Variants in THRAP3 observed in about 807,000 individuals in gnomAD.
THRAP3 encodes the protein thyroid hormone receptor-associated protein 3.
Under a neutral mutation model 101.0 loss-of-function variants are expected in THRAP3, and 16 were observed. The observed-to-expected ratio is 0.16, with a 90% CI of 0.11 to 0.24. The LOEUF (loss-of-function observed/expected upper bound fraction) is 0.24, where lower values mean the gene tolerates loss of function less well. Ranked by LOEUF, THRAP3 falls within the 10% of genes least tolerant of loss-of-function variation. THRAP3 has a pLI of 1.00. For synonymous variants in THRAP3, 407 were observed against 422.6 expected, an observed-to-expected ratio of 0.96 and a Z score of 0.45; for missense variants, 989 against 1,202.7, an observed-to-expected ratio of 0.82 and a Z score of 2.63.
chr1:36,298,863 T>C (rs1176420143), intron 9 of THRAP3, among the ~76,000 whole-genome samples: 2 of 152,170 alleles, frequency 1.3e-5, no homozygotes, highest in African/African-American at 2.4e-5. Context: ...ATGCAATCAC[T>C]GGCCTACTGT....
chr1:36,269,509 G>A (rs980632930), intron 2 of THRAP3, among the ~76,000 whole-genome samples: 1 of 152,110 alleles, frequency 6.6e-6, no homozygotes, highest in African/African-American at 2.4e-5. Context: ...GTTGTACTTT[G>A]GAGTTTACTT....
intron 1 of THRAP3, among the ~76,000 whole-genome samples, chr1:36,231,172 A>G (rs916549813): frequency 1.7e-4 from 26 of 151,256 alleles, no homozygotes; most frequent in Non-Finnish European, 3.2e-4. Context: ...CTGTCTTGGT[A>G]CCTTATATCC....
At chr1:36,280,895 T>C (rs937874769) in intron 2 of THRAP3, among the ~76,000 whole-genome samples, 9 of 151,528 alleles carry the variant, frequency 5.9e-5, no homozygotes, top group African/African-American at 2.2e-4. Context: ...GGTGGGAAAA[T>C]GACCCTGAAA....
At chr1:36,293,028 C>T (rs375665815) in intron 7 of THRAP3, among the ~76,000 whole-genome samples, 118 of 82,772 alleles carry the variant, frequency 1.4e-3, no homozygotes, top group Non-Finnish European at 1.7e-3. Flanking sequence ...CTTTTCTTGT[C>T]TTTTTTTTTT....
upstream of THRAP3, among the ~76,000 whole-genome samples, chr1:36,222,064 G>A (rs373724461): frequency 1.3e-5 from 2 of 152,036 alleles, no homozygotes; most frequent in Non-Finnish European, 2.9e-5. Context: ...CACCAGCCTC[G>A]CCCTCCCCAA....
At chr1:36,208,795 T>A in the THRAP3 span, among the ~76,000 whole-genome samples, 1 of 152,114 alleles carries the variant, frequency 6.6e-6, no homozygotes, top group East Asian at 1.9e-4. Flanking sequence ...GCCTCCTGAA[T>A]AGCTGGGACT....
chr1:36,253,036 A>T lies in THRAP3; in HGVS notation c.-134-6346A>T, dbSNP rs1489983230. On this transcript the variant is annotated intron_variant, in intron 1 of 11. Coordinates refer to ENST00000354618, the MANE Select transcript of THRAP3 (RefSeq NM_005119.4). ...TAAGAATGGAATTCTGCTTTTGGGG[A>T]GTACAATTTCACTTAATTGGGTTTC... Among the ~76,000 whole-genome samples the T allele has an allele frequency of 2.0e-5, 3 of 147,782 alleles. No homozygotes were observed. In the East Asian group the frequency reaches 6.1e-4, roughly 30 times the overall value.
chr1:36,268,324 A>G (rs1314210178), intron 2 of THRAP3, among the ~76,000 whole-genome samples: 1 of 152,122 alleles, frequency 6.6e-6, no homozygotes, highest in Non-Finnish European at 1.5e-5. Context: ...CATCCAAAGA[A>G]ATACTAGACT....
intron 2 of THRAP3, among the ~76,000 whole-genome samples, chr1:36,267,129 C>A (rs569533831): frequency 8.5e-5 from 13 of 152,212 alleles, no homozygotes; most frequent in African/African-American, 3.1e-4. Context: ...GGTGATCCAC[C>A]CGCCTCGGCC....
Position 36,287,928 on chromosome 1 carries a change from G to T in THRAP3, c.1040+658G>T, listed in dbSNP as rs541165610. ...GTTGGATGGATTGGGATGGCAGAGA[G>T]GTTACAGGGAAGTTGCACTGGGACC... On this transcript the variant is annotated intron_variant, in intron 4 of 11. Coordinates refer to ENST00000354618, the MANE Select transcript of THRAP3 (RefSeq NM_005119.4). 9.8e-5 allele frequency: 97 copies of T among 985,202 alleles called. No homozygotes were observed. In the African/African-American group the frequency reaches 1.6e-3, roughly 16 times the overall value. The allele number at this position is 985,202 out of a possible 1,614,324, so 61.0% of individuals were successfully genotyped here. A position where few individuals can be genotyped will look rare whatever the true frequency, so the allele number is the denominator to read the frequency against.
chr1:36,289,446 A>G lies in THRAP3; in HGVS notation c.1427A>G (p.Tyr476Cys). 1 of 1,614,204 alleles carries G rather than the reference A, an allele frequency of 6.2e-7. No homozygotes were observed. Among genetic ancestry groups the G allele is most frequent in the Non-Finnish European group, 8.5e-7 (1 of 1,180,032 alleles). ...TCAGGCAAATGGGAGGGCCTGGTATATGCACCTCCAGGGAAGGAAAAGCAG... is the reference window on the plus strand; with the variant it reads ...TCAGGCAAATGGGAGGGCCTGGTATGTGCACCTCCAGGGAAGGAAAAGCAG... Reference protein sequence around the residue: ...EKSGKWEGLVYAPPGKEKQRK... With the variant: ...EKSGKWEGLVCAPPGKEKQRK... Residue 476 changes from tyrosine (Y) to cysteine (C), a missense_variant, in exon 5 of 12, where the codon TAT (tyrosine) becomes TGT (cysteine). Physicochemically the swap from Tyr to Cys is radical, Grantham distance 194. Transcript: ENST00000354618.
chr1:36,298,339 C>G (rs1420810735), intron 9 of THRAP3, among the ~76,000 whole-genome samples: 1 of 152,020 alleles, frequency 6.6e-6, no homozygotes, highest in Admixed American at 6.6e-5. Flanking sequence ...GCCTGGGCCG[C>G]CACTTAGAAG....
chr1:36,234,807 C>CTTTTTTTT (rs35278020), intron 1 of THRAP3, among the ~76,000 whole-genome samples: 47 of 72,482 alleles, frequency 6.5e-4, no homozygotes, highest in Non-Finnish European at 8.5e-4. Flanking sequence ...CTGTTTCAGT[C>CTTTTTTTT]TTTTTTTTTT....
intron 1 of THRAP3, among the ~76,000 whole-genome samples, chr1:36,252,961 TATATATATAA>T (rs1249274974): frequency 2.9e-4 from 38 of 130,356 alleles, no homozygotes; most frequent in African/African-American, 9.9e-4. Context: ...TATATATATA[TATATATATAA>T]ATGTAAATAA....
rs527839329 is a variant in THRAP3 at position 36,278,046 on chromosome 1, C to T, written c.-31-4487C>T. 1.7e-4 allele frequency among the ~76,000 whole-genome samples: 25 copies of T among 147,262 alleles called. 1 individual carries two copies. Among genetic ancestry groups the T allele is most frequent in the Middle Eastern group, 3.6e-3 (1 of 274 alleles). ...TCAAAGTGCTGAGTGGGGTTACGGT[C>T]GTGAGCCCAGCCCCCCTTTTTTTTT... On this transcript the variant is annotated intron_variant, in intron 2 of 11. Coordinates refer to ENST00000354618, the MANE Select transcript of THRAP3 (RefSeq NM_005119.4).
At chr1:36,241,313 A>C (rs1645153859) in intron 1 of THRAP3, among the ~76,000 whole-genome samples, 1 of 149,898 alleles carries the variant, frequency 6.7e-6, no homozygotes, top group African/African-American at 2.5e-5. Context: ...GTTTATGTTT[A>C]AATGACAGTG....
In THRAP3 at chr1:36,279,635, G is replaced by A. The variant is rs78403425; in HGVS notation, c.-31-2898G>A. Among the ~76,000 whole-genome samples the A allele has an allele frequency of 5.4e-3, 817 of 152,120 alleles. 7 individuals are homozygous for A. The highest frequency in any genetic ancestry group is 6.7e-3 in the Non-Finnish European group (456 of 67,996). On this transcript the variant is annotated intron_variant, in intron 2 of 11. Coordinates refer to ENST00000354618, the MANE Select transcript of THRAP3 (RefSeq NM_005119.4). ...GGCAGGATTAAAACCGTGGGTTCTTGGCATCCTCATCTAGCAGTCTTTTAC... is the reference window on the plus strand; with the variant it reads ...GGCAGGATTAAAACCGTGGGTTCTTAGCATCCTCATCTAGCAGTCTTTTAC...
At chr1:36,255,957 G>A (rs943870838) in intron 1 of THRAP3, among the ~76,000 whole-genome samples, 1 of 152,024 alleles carries the variant, frequency 6.6e-6, no homozygotes, top group African/African-American at 2.4e-5. Context: ...GTGGAACATG[G>A]GAGCGTTCTG....
intron 2 of THRAP3, among the ~76,000 whole-genome samples, chr1:36,271,820 C>G (rs1645595653): frequency 6.6e-6 from 1 of 151,738 alleles, no homozygotes; most frequent in South Asian, 2.1e-4. Flanking sequence ...TCTTGAACTC[C>G]CAACCTCAGG....
Sources: allele counts gnomAD v4.1 joint callset (sites outside exome capture counted in the v4.1 genomes callset), GRCh38; gene constraint gnomAD v4.1.1; transcripts MANE v1.5; gene names NCBI Gene and HGNC (gene_info 2026-07-23, HGNC 2026-07-21).